NXPH1: variants seen among roughly 807,000 people sequenced by gnomAD.
NXPH1 encodes the protein neurexophilin-1.
NXPH1 carries 5 observed loss-of-function variants against 23.7 expected under a neutral mutation model. That is an observed-to-expected ratio of 0.21 (90% CI 0.11 to 0.44). The LOEUF is 0.44. Ranked by LOEUF, NXPH1 falls within the 20% of genes least tolerant of loss-of-function variation. NXPH1 has a pLI of 0.99. For synonymous variants in NXPH1, 144 were observed against 122.2 expected (o/e 1.18, Z -1.18); for missense variants, 324 against 321.6 (o/e 1.01, Z -0.06).
intron 2 of NXPH1, among the ~76,000 whole-genome samples, chr7:8,611,547 A>C (rs1819621788): frequency 6.6e-6 from 1 of 152,250 alleles, no homozygotes; most frequent in South Asian, 2.1e-4. Context: ...GGGTTTTTTC[A>C]CCAGGACTCA....
intron 2 of NXPH1, among the ~76,000 whole-genome samples, chr7:8,683,228 G>T (rs1821086234): frequency 6.6e-6 from 1 of 152,202 alleles, no homozygotes; most frequent in Non-Finnish European, 1.5e-5. Flanking sequence ...TTGCATAAAT[G>T]CATAGAGCAA....
chr7:8,616,333 T>C (rs973981223), intron 2 of NXPH1, among the ~76,000 whole-genome samples: 2 of 152,090 alleles, frequency 1.3e-5, no homozygotes, highest in Non-Finnish European at 1.5e-5. Context: ...TCTTCCCTGA[T>C]GACCCTATAG....
chr7:8,638,733 A>G (rs912638929), intron 2 of NXPH1, among the ~76,000 whole-genome samples: 1 of 152,200 alleles, frequency 6.6e-6, no homozygotes, highest in Non-Finnish European at 1.5e-5. Flanking sequence ...TAATGTTTCA[A>G]TAGTATGATT....
chr7:8,434,198 G>A lies in NXPH1; in HGVS notation c.-668G>A, dbSNP rs1358022155. The A allele has an allele frequency of 2.0e-5, 3 of 153,118 alleles. No individual in the cohort carries two copies. The highest frequency in any genetic ancestry group is 7.2e-5 in the African/African-American group (3 of 41,430). 9.5% of individuals were successfully genotyped at this position (153,118 alleles called of 1,614,324 possible). A position where few individuals can be genotyped will look rare whatever the true frequency, so the allele number is the denominator to read the frequency against. ...TTCTCGCCACCCCACCCCTCCCTCAGAAACTCGGACTGCTCTCGTCTGCCG... is the reference window on the plus strand; with the variant it reads ...TTCTCGCCACCCCACCCCTCCCTCAAAAACTCGGACTGCTCTCGTCTGCCG... On this transcript the variant is annotated 5_prime_UTR_variant, in exon 1 of 3. Coordinates refer to ENST00000405863, the MANE Select transcript of NXPH1 (RefSeq NM_152745.3). The surrounding 1 kb of genome is among the most constrained non-coding windows in gnomAD (Gnocchi z 7.6).
chr7:8,629,941 C>T (rs1452890471), intron 2 of NXPH1, among the ~76,000 whole-genome samples: 1 of 152,092 alleles, frequency 6.6e-6, no homozygotes, highest in Non-Finnish European at 1.5e-5. Flanking sequence ...GCCTGAATAG[C>T]TTATATATAG....
intron 2 of NXPH1, among the ~76,000 whole-genome samples, chr7:8,595,214 T>G (rs991858406): frequency 2.0e-5 from 3 of 151,840 alleles, no homozygotes; most frequent in Admixed American, 2.0e-4. Context: ...AATAAATAAA[T>G]AAACAAATAC....
intron 2 of NXPH1, among the ~76,000 whole-genome samples, chr7:8,726,459 A>C: frequency 6.7e-6 from 1 of 148,332 alleles, no homozygotes. Context: ...AGCATTAGGT[A>C]TATCTCCCAA....
intron 2 of NXPH1, among the ~76,000 whole-genome samples, chr7:8,697,464 G>A (rs1779553039): frequency 6.6e-6 from 1 of 152,082 alleles, no homozygotes; most frequent in African/African-American, 2.4e-5. Context: ...TGCTATTAGT[G>A]GTATATTTTA....
chr7:8,455,041 T>G (rs112949389), intron 2 of NXPH1, among the ~76,000 whole-genome samples: 8 of 152,308 alleles, frequency 5.3e-5, no homozygotes, highest in African/African-American at 1.7e-4. Flanking sequence ...GTGTAGCCAT[T>G]AACAGTAGAG....
intron 2 of NXPH1, among the ~76,000 whole-genome samples, chr7:8,573,643 G>A (rs528501092): frequency 6.6e-6 from 1 of 152,126 alleles, no homozygotes; most frequent in African/African-American, 2.4e-5. Context: ...AATGCAATGA[G>A]CTTTCTTTTT....
At chr7:8,471,906 A>C (rs1253080085) in intron 2 of NXPH1, among the ~76,000 whole-genome samples, 1 of 152,066 alleles carries the variant, frequency 6.6e-6, no homozygotes, top group African/African-American at 2.4e-5. Context: ...GTTTACCATA[A>C]AGCTAACATT....
chr7:8,541,724 C>T (rs2189459), intron 2 of NXPH1, among the ~76,000 whole-genome samples: 40,890 of 150,998 alleles, frequency 0.27, 6,030 homozygotes, highest in East Asian at 0.52. Context: ...AGCACAAATG[C>T]CAGAAGGGGG....
At chr7:8,681,065 C>A (rs1218479098) in intron 2 of NXPH1, among the ~76,000 whole-genome samples, 4 of 152,218 alleles carry the variant, frequency 2.6e-5, no homozygotes, top group Non-Finnish European at 2.9e-5. Context: ...GCGCTAATGT[C>A]CGGTACAGTG....
intron 2 of NXPH1, among the ~76,000 whole-genome samples, chr7:8,679,813 G>T (rs1821023666): frequency 6.6e-6 from 1 of 152,236 alleles, no homozygotes; most frequent in African/African-American, 2.4e-5. Flanking sequence ...ACGAGGTCAG[G>T]AGTTCGAGAC....
At chr7:8,543,731 A>G (rs572236563) in intron 2 of NXPH1, among the ~76,000 whole-genome samples, 3 of 151,674 alleles carry the variant, frequency 2.0e-5, no homozygotes, top group Non-Finnish European at 4.4e-5. Context: ...CATGCTAAGC[A>G]TATAATGGAT....
At chr7:8,448,362 C>T (rs565479757) in intron 2 of NXPH1, among the ~76,000 whole-genome samples, 1 of 152,356 alleles carries the variant, frequency 6.6e-6, no homozygotes, top group African/African-American at 2.4e-5. Context: ...GCTTCCAGCA[C>T]AGTCCTTATG....
intron 2 of NXPH1, among the ~76,000 whole-genome samples, chr7:8,711,159 G>C (rs1042784919): frequency 4.2e-4 from 64 of 152,132 alleles, no homozygotes; most frequent in Non-Finnish European, 4.4e-5. Flanking sequence ...GACTGCCTAC[G>C]AGTGGCCTAG....
chr7:8,640,001 C>T (rs1454496274), intron 2 of NXPH1, among the ~76,000 whole-genome samples: 2 of 152,144 alleles, frequency 1.3e-5, no homozygotes, highest in African/African-American at 2.4e-5. Flanking sequence ...TATAGTTTGA[C>T]AACTTTTCTA....
chr7:8,611,993 A>C (rs1037958973), intron 2 of NXPH1, among the ~76,000 whole-genome samples: 8 of 152,182 alleles, frequency 5.3e-5, no homozygotes, highest in Admixed American at 3.3e-4. Context: ...TGCATTTATA[A>C]ATATTTCAAG....
Sources: allele counts gnomAD v4.1 joint callset (sites outside exome capture counted in the v4.1 genomes callset), GRCh38; gene constraint gnomAD v4.1.1; non-coding constraint Gnocchi (gnomAD v3.1); transcripts MANE v1.5; gene names NCBI Gene and HGNC (gene_info 2026-07-23, HGNC 2026-07-21).